Variants in ELMO1 observed in about 807,000 individuals in gnomAD.
ELMO1 encodes the protein engulfment and cell motility protein 1.
In ELMO1, 26 loss-of-function variants were observed where a neutral mutation model predicts 98.9. The observed-to-expected ratio is 0.26, with a 90% CI of 0.19 to 0.36. The LOEUF is 0.36. ELMO1 is among the 10% of genes least tolerant of loss of function. The pLI is 1.00. For synonymous variants in ELMO1, 346 were observed against 346.0 expected (o/e 1.00, Z 0.00); for missense variants, 627 against 935.2 (o/e 0.67, Z 4.30).
intron 1 of ELMO1, among the ~76,000 whole-genome samples, chr7:37,416,039 G>A (rs1316445618): frequency 6.6e-6 from 1 of 152,194 alleles, no homozygotes; most frequent in African/African-American, 2.4e-5. Context: ...AACATTAAAT[G>A]AGCATACAAA....
chr7:37,430,305 C>A (rs1804879479), intron 1 of ELMO1, among the ~76,000 whole-genome samples: 1 of 152,210 alleles, frequency 6.6e-6, no homozygotes, highest in South Asian at 2.1e-4. Context: ...GCTGTGCCCA[C>A]TGCGACCTCA....
intron 13 of ELMO1, among the ~76,000 whole-genome samples, chr7:37,188,445 CACACACGCAA>C (rs1235016013): frequency 3.0e-5 from 1 of 33,786 alleles, no homozygotes; most frequent in African/African-American, 2.3e-4. Context: ...CACACACACA[CACACACGCAA>C]ACACACACAC....
chr7:37,120,625 G>A (rs931404089), intron 14 of ELMO1, among the ~76,000 whole-genome samples: 15 of 152,198 alleles, frequency 9.9e-5, no homozygotes, highest in African/African-American at 1.7e-4. Flanking sequence ...CAAAGTGGCC[G>A]GGAAGCTCAA....
At chr7:36,999,827 C>G (rs903182067) in intron 16 of ELMO1, among the ~76,000 whole-genome samples, 1 of 152,114 alleles carries the variant, frequency 6.6e-6, no homozygotes, top group Non-Finnish European at 1.5e-5. Context: ...CTCAGCCATG[C>G]AGGGGAGCAA....
At position 37,096,261 on chromosome 7, in the gene ELMO1, G is replaced by T. The variant is rs576505476; in HGVS notation, c.1300+358C>A. On this transcript the variant is annotated intron_variant, in intron 15 of 21. Transcript: ENST00000310758. The stretch of plus-strand genomic sequence containing the variant: ...AGAGAAAAATTGCTTAGAAAGAAAA[G>T]AAAATGATCTACTGGTAGGTTATAA... 4.6e-5 allele frequency among the ~76,000 whole-genome samples: 7 copies of T among 152,026 alleles called. No individual in the cohort carries two copies. The East Asian group carries it at 1.4e-3, about 29-fold the overall frequency.
At chr7:37,137,795 C>T (rs1405703241) in intron 13 of ELMO1, among the ~76,000 whole-genome samples, 1 of 152,136 alleles carries the variant, frequency 6.6e-6, no homozygotes, top group African/African-American at 2.4e-5. Flanking sequence ...CCTCGGCCTT[C>T]CAAAGTGCTG....
intron 13 of ELMO1, among the ~76,000 whole-genome samples, chr7:37,176,501 CA>C (rs1790503648): frequency 6.6e-6 from 1 of 152,010 alleles, no homozygotes; most frequent in South Asian, 2.1e-4. Flanking sequence ...ATATTGCTTA[CA>C]AAAATACTAG....
chr7:37,246,773 C>CAGATAGATAGATAGATAGATAGAT lies in ELMO1; in HGVS notation c.414-2383_414-2382insATCTATCTATCTATCTATCTATCT, dbSNP rs543282035. ...AAGATGTAGGTAACTGATGGAGAGA[C>CAGATAGATAGATAGATAGATAGAT]AGATAGATAGATAGATAAACAGACA... On this transcript the variant is annotated intron_variant, in intron 6 of 21. Coordinates refer to ENST00000310758, the MANE Select transcript of ELMO1 (RefSeq NM_014800.11). Among the ~76,000 whole-genome samples the CAGATAGATAGATAGATAGATAGAT allele has an allele frequency of 5.5e-3, 831 of 151,750 alleles. 4 individuals are homozygous for CAGATAGATAGATAGATAGATAGAT. Among genetic ancestry groups the CAGATAGATAGATAGATAGATAGAT allele is most frequent in the African/African-American group, 0.02 (806 of 41,294 alleles).
intron 1 of ELMO1, among the ~76,000 whole-genome samples, chr7:37,358,078 C>T (rs1050363280): frequency 3.9e-5 from 6 of 152,062 alleles, no homozygotes; most frequent in East Asian, 1.9e-4. Context: ...TTTTAATGCT[C>T]ATTTTCCCCT....
intron 1 of ELMO1, among the ~76,000 whole-genome samples, chr7:37,349,510 G>A (rs1327519514): frequency 6.6e-6 from 1 of 152,004 alleles, no homozygotes; most frequent in Non-Finnish European, 1.5e-5. Flanking sequence ...CTGGAGTGCA[G>A]TGGCACAATC....
In ELMO1 at chr7:37,391,170, G is replaced by A. The variant is rs916781354; in HGVS notation, c.-73-48407C>T. On this transcript the variant is annotated intron_variant, in intron 1 of 21. Transcript: ENST00000310758. ...CTTGCTCTATTGTCCAGGCTGGAGC[G>A]TGGTGGCTCGATCTCAGCTCACTGC... Among the ~76,000 whole-genome samples the A allele has an allele frequency of 4.6e-5, 7 of 151,760 alleles. No homozygotes were observed. The Middle Eastern group carries it at 0.01, about 221-fold the overall frequency.
intron 21 of ELMO1, among the ~76,000 whole-genome samples, chr7:36,857,034 G>A (rs1802247149): frequency 6.6e-6 from 1 of 152,146 alleles, no homozygotes; most frequent in Non-Finnish European, 1.5e-5. Context: ...TCACCATGAT[G>A]TGATGGAAAT....
chr7:37,422,311 G>T lies in ELMO1; in HGVS notation c.-74+26364C>A, dbSNP rs568192954. Among the ~76,000 whole-genome samples the T allele has an allele frequency of 1.2e-3, 176 of 152,322 alleles. 1 individual carries two copies. The highest frequency in any genetic ancestry group is 3.6e-3 in the African/African-American group (149 of 41,572). On this transcript the variant is annotated intron_variant, in intron 1 of 21. Transcript: ENST00000310758. ...TTCATCAAAGTCTTTTCCAGCCCTG[G>T]AAGAGTCTTATTTCTGTGAGTTTAG... is the stretch of plus-strand genomic sequence containing the variant.
chr7:37,348,287 T>A (rs1277687372), intron 1 of ELMO1, among the ~76,000 whole-genome samples: 4 of 152,130 alleles, frequency 2.6e-5, no homozygotes, highest in African/African-American at 9.7e-5. Context: ...TTATACAAAC[T>A]AAAATTTAAG....
intron 15 of ELMO1, among the ~76,000 whole-genome samples, chr7:37,091,105 A>C (rs1205619632): frequency 6.6e-6 from 1 of 152,150 alleles, no homozygotes; most frequent in Non-Finnish European, 1.5e-5. Flanking sequence ...GTATTTATTT[A>C]CTTATGTTTT....
At chr7:37,015,322 G>A (rs1793857330) in intron 15 of ELMO1, among the ~76,000 whole-genome samples, 1 of 152,136 alleles carries the variant, frequency 6.6e-6, no homozygotes, top group Non-Finnish European at 1.5e-5. Flanking sequence ...TGGAGGGCTG[G>A]GCACAGTGGC....
chr7:37,175,348 A>G (rs1264863167), intron 13 of ELMO1, among the ~76,000 whole-genome samples: 2 of 152,228 alleles, frequency 1.3e-5, no homozygotes, highest in African/African-American at 4.8e-5. Context: ...CAAATTTTCA[A>G]TGTCCAGTTG....
chr7:36,955,392 A>G (rs1788361022), intron 16 of ELMO1, among the ~76,000 whole-genome samples: 1 of 152,216 alleles, frequency 6.6e-6, no homozygotes, highest in African/African-American at 2.4e-5. Context: ...CAAATTCCGA[A>G]GTAAAGGTAT....
At chr7:37,275,629 AGAGCAATTACTGCT>A (rs1439087934) in intron 4 of ELMO1, among the ~76,000 whole-genome samples, 1 of 152,240 alleles carries the variant, frequency 6.6e-6, no homozygotes, top group Non-Finnish European at 1.5e-5. Flanking sequence ...CTCAAGAATG[AGAGCAATTACTGCT>A]GTCCCAGAGA....
Sources: gnomAD v4.1 joint callset for allele counts (sites outside exome capture counted in the v4.1 genomes callset) on GRCh38, gnomAD v4.1.1 for gene constraint, MANE v1.5 for transcripts, NCBI Gene and HGNC (gene_info 2026-07-23, HGNC 2026-07-21) for gene names.